The following CCDC93 variants were observed in gnomAD, a reference collection of about 807,000 sequenced individuals.
CCDC93 encodes the protein CCC complex scaffolding subunit CCDC93.
A neutral mutation model predicts 108.2 loss-of-function variants in CCDC93; 61 were observed. That is an observed-to-expected ratio of 0.56 (90% confidence interval 0.46 to 0.70). CCDC93 has a LOEUF of 0.70. Ranked by LOEUF, CCDC93 falls within the 30% of genes least tolerant of loss-of-function variation. The pLI is 0.00. For synonymous variants in CCDC93, 276 were observed against 260.4 expected, an observed-to-expected ratio of 1.06 and a Z score of -0.58; for missense variants, 685 against 764.2, an observed-to-expected ratio of 0.90 and a Z score of 1.22.
At chr2:118,010,567 A>G (rs4849659) in intron 1 of CCDC93, among the ~76,000 whole-genome samples, 147,556 of 152,206 alleles carry the variant, frequency 0.97, 71,711 homozygotes, top group Middle Eastern at 1. Context: ...TTCATTCCAG[A>G]ACTCTTGCAA....
intron 14 of CCDC93, among the ~76,000 whole-genome samples, chr2:117,948,579 A>T (rs1319654300): frequency 6.6e-6 from 1 of 152,250 alleles, no homozygotes; most frequent in Non-Finnish European, 1.5e-5. Flanking sequence ...GGTCATTAAA[A>T]GCACTAATTT....
chr2:117,940,356 A>C (rs1198067953), intron 19 of CCDC93, among the ~76,000 whole-genome samples: 1 of 152,160 alleles, frequency 6.6e-6, no homozygotes, highest in Non-Finnish European at 1.5e-5. Context: ...TGACAGAAGA[A>C]AAAGGATCCA....
In CCDC93 at chr2:117,939,089, G is replaced by C. The variant is rs1367298123; in HGVS notation, c.1545C>G (p.Thr515=). Reference sequence around the variant, plus strand: ...TATTATATAAAGTGAAGAACTGCTTGGTTTCTTTGTGCACTGCTGAAACTG... The same window carrying C: ...TATTATATAAAGTGAAGAACTGCTTCGTTTCTTTGTGCACTGCTGAAACTG... ...YRQISAVHKE[T]KQFFTLYNTL... Residue 515 remains threonine (T), a synonymous_variant, in exon 20 of 24, where the codon ACC becomes ACG. Coordinates refer to ENST00000376300, the MANE Select transcript of CCDC93 (RefSeq NM_019044.5). The C allele has an allele frequency of 3.1e-6, 5 of 1,607,302 alleles. No homozygotes were observed. Among genetic ancestry groups the C allele is most frequent in the Non-Finnish European group, 4.3e-6 (5 of 1,174,450 alleles).
At chr2:117,990,974 C>A in intron 6 of CCDC93, among the ~76,000 whole-genome samples, 1 of 149,820 alleles carries the variant, frequency 6.7e-6, no homozygotes. Flanking sequence ...ATTACAACAG[C>A]ATTAGTACAA....
At chr2:117,993,915 G>A (rs928777440) in intron 6 of CCDC93, among the ~76,000 whole-genome samples, 1 of 152,162 alleles carries the variant, frequency 6.6e-6, no homozygotes, top group African/African-American at 2.4e-5. Flanking sequence ...TGTATTTTTT[G>A]TAGAGATGGG....
chr2:117,960,679 T>C (rs11123467), intron 11 of CCDC93, among the ~76,000 whole-genome samples: 83,192 of 152,072 alleles, frequency 0.55, 24,027 homozygotes, highest in East Asian at 0.87. Context: ...AAAGATTATT[T>C]CTGTTGATAG....
chr2:117,955,182 CA>C (rs1679180119), intron 12 of CCDC93, among the ~76,000 whole-genome samples: 2 of 152,126 alleles, frequency 1.3e-5, no homozygotes, highest in African/African-American at 4.8e-5. Context: ...TAAGCAATAA[CA>C]AAGCACTTAT....
chr2:117,967,427 T>C (rs79041982), intron 11 of CCDC93, among the ~76,000 whole-genome samples: 6,193 of 152,324 alleles, frequency 0.041, 136 homozygotes, highest in Middle Eastern at 0.075. Context: ...TGTGAGTGCC[T>C]GGGCTGAGCT....
At chr2:118,011,385 A>T (rs1440846760) in intron 1 of CCDC93, among the ~76,000 whole-genome samples, 1 of 152,196 alleles carries the variant, frequency 6.6e-6, no homozygotes, top group African/African-American at 2.4e-5. Flanking sequence ...TCCATTAAGG[A>T]TCCTGAAGAT....
chr2:118,010,103 GTTTT>G (rs1553460610), intron 1 of CCDC93, among the ~76,000 whole-genome samples: 41 of 88,624 alleles, frequency 4.6e-4, no homozygotes, highest in East Asian at 1.5e-3. Flanking sequence ...CACCACGCCC[GTTTT>G]TTTGTTTGTT....
At chr2:118,008,084 GTGCATCA>G (rs904876405) in intron 2 of CCDC93, among the ~76,000 whole-genome samples, 7 of 152,228 alleles carry the variant, frequency 4.6e-5, no homozygotes, top group Non-Finnish European at 1.0e-4. Context: ...ACTATGATTT[GTGCATCA>G]TCATTCAAGG....
At chr2:118,007,410 G>A (rs1324053622) in intron 2 of CCDC93, among the ~76,000 whole-genome samples, 5 of 152,222 alleles carry the variant, frequency 3.3e-5, no homozygotes, top group African/African-American at 7.2e-5. Context: ...GGTGGCTCAC[G>A]CCTGTAATCC....
At position 117,970,799 on chromosome 2, in the gene CCDC93, A is replaced by C. The variant is rs543941018; in HGVS notation, c.888+3109T>G. On this transcript the variant is annotated intron_variant, in intron 11 of 23. Coordinates refer to ENST00000376300, the MANE Select transcript of CCDC93 (RefSeq NM_019044.5). ...CCATTTTATAGTTGCTACAGTAACA[A>C]ATTAGACAAACAAAAAAATCAAAGC... 3.3e-5 allele frequency among the ~76,000 whole-genome samples: 5 copies of C among 152,328 alleles called. No homozygotes were observed. In the East Asian group the frequency reaches 9.6e-4, roughly 29 times the overall value.
Position 117,988,677 on chromosome 2 carries a change from A to G in CCDC93, c.520-2608T>C, listed in dbSNP as rs568624521. Among the ~76,000 whole-genome samples the G allele has an allele frequency of 1.2e-3, 183 of 152,340 alleles. 1 individual carries two copies. Among genetic ancestry groups the G allele is most frequent in the African/African-American group, 4.2e-3 (174 of 41,580 alleles). ...AGTGCAATGTCCTGAAAGATCTCAT[A>G]AGAAAAAGTTACTATAAATGGGACA... is the stretch of plus-strand genomic sequence containing the variant. On this transcript the variant is annotated intron_variant, in intron 6 of 23. Transcript: ENST00000376300.
intron 18 of CCDC93, among the ~76,000 whole-genome samples, chr2:117,942,553 T>C (rs1678734165): frequency 6.6e-6 from 1 of 152,214 alleles, no homozygotes; most frequent in Non-Finnish European, 1.5e-5. Context: ...TCTTGATTTC[T>C]AGTGGCACTT....
intron 12 of CCDC93, among the ~76,000 whole-genome samples, chr2:117,954,389 T>G (rs1179420627): frequency 1.3e-5 from 2 of 152,162 alleles, no homozygotes; most frequent in East Asian, 3.9e-4. Flanking sequence ...AGTAAGAGCT[T>G]TCTAAGAAGA....
At chr2:117,934,184 G>A (rs530530657) in intron 22 of CCDC93, 4 of 152,266 alleles carry the variant, frequency 2.6e-5, no homozygotes, top group East Asian at 3.9e-4. Flanking sequence ...CTGTAAACAC[G>A]AAGCAGAAGT....
At chr2:117,937,444 A>C (rs796261775) in intron 20 of CCDC93, among the ~76,000 whole-genome samples, 17 of 152,304 alleles carry the variant, frequency 1.1e-4, no homozygotes, top group African/African-American at 4.1e-4. Context: ...GCAATGTAGA[A>C]TATTTCTTGT....
chr2:117,985,072 C>T (rs1680271624), intron 7 of CCDC93, among the ~76,000 whole-genome samples: 1 of 151,618 alleles, frequency 6.6e-6, no homozygotes, highest in South Asian at 2.1e-4. Flanking sequence ...CACACGCAGC[C>T]TAGGGCCAGA....
Sources: allele counts gnomAD v4.1 joint callset (sites outside exome capture counted in the v4.1 genomes callset), GRCh38; gene constraint gnomAD v4.1.1; transcripts MANE v1.5; gene names NCBI Gene and HGNC (gene_info 2026-07-23, HGNC 2026-07-21).